The following LLGL2 variants were observed in gnomAD, a reference collection of about 807,000 sequenced individuals.
LLGL2 encodes the protein LLGL scribble cell polarity complex component 2.
A neutral mutation model predicts 123.2 loss-of-function variants in LLGL2; 81 were observed. The observed-to-expected ratio is 0.66, with a 90% CI of 0.55 to 0.79. LLGL2 has a LOEUF of 0.79. Ranked by LOEUF, LLGL2 falls within the 30% of genes least tolerant of loss-of-function variation. The pLI is 0.00. For synonymous variants in LLGL2, 577 were observed against 594.1 expected (o/e 0.97, Z 0.42); for missense variants, 1,273 against 1,414.6 (o/e 0.90, Z 1.61).
Position 75,571,733 on chromosome 17 carries a change from G to A in LLGL2, c.2243G>A (p.Arg748His), listed in dbSNP as rs35474687. The change falls in exon 18 of 26, where the codon CGT becomes CAT. Residue 748 changes from arginine (R) to histidine (H), a missense_variant. Arg to His is a conservative substitution (Grantham distance 29, BLOSUM62 0). Coordinates refer to ENST00000392550, the MANE Select transcript of LLGL2 (RefSeq NM_001031803.2). The stretch of plus-strand genomic sequence containing the variant: ...GGCACCATCTATGCCTTCTCCCTGC[G>A]TGTGCCTCCCGCCGAGCGGAGAATG... ...NGGTIYAFSL[R>H]VPPAERRMDE... 949 of 1,609,374 alleles carry A rather than the reference G, an allele frequency of 5.9e-4. 6 individuals carry two copies. In the African/African-American group the frequency reaches 0.01, roughly 17 times the overall value.
At chr17:75,553,334 G>A (rs567965247) in intron 2 of LLGL2, among the ~76,000 whole-genome samples, 6 of 152,202 alleles carry the variant, frequency 3.9e-5, no homozygotes, top group East Asian at 1.9e-4. Context: ...CGTCTCCCCC[G>A]ACCTTTTTGT....
chr17:75,574,174 G>C (rs933880077), intron 22 of LLGL2, 39 bp from the exon 23 acceptor site: 1 of 1,519,846 alleles, frequency 6.6e-7, no homozygotes, highest in Non-Finnish European at 8.8e-7. Context: ...GCCGAGGAGG[G>C]CCCAGGCGGG....
intron 16 of LLGL2, 101 bp downstream of exon 16, chr17:75,570,599 C>A: frequency 7.2e-7 from 1 of 1,392,162 alleles, no homozygotes; most frequent in South Asian, 1.4e-5. Flanking sequence ...GCTTGCTAGG[C>A]TACAAACAAG....
chr17:75,543,309 A>G (rs551254411), intron 1 of LLGL2, 88 bp from the exon 2 acceptor site: 60 of 866,874 alleles, frequency 6.9e-5, no homozygotes, highest in Non-Finnish European at 9.6e-5. Flanking sequence ...GGACTTGGAG[A>G]GAGAGGCCCT....
intron 3 of LLGL2, chr17:75,557,899 G>A (rs1019390797): frequency 1.9e-6 from 1 of 525,348 alleles, no homozygotes; most frequent in South Asian, 1.9e-5. Flanking sequence ...GTAGGGCTTC[G>A]CCTTTCTATG....
At chr17:75,533,926 C>T (rs752710584) in intron 1 of LLGL2, among the ~76,000 whole-genome samples, 18 of 152,190 alleles carry the variant, frequency 1.2e-4, no homozygotes, top group Non-Finnish European at 2.1e-4. Context: ...AAATTCCAGT[C>T]CCTCCCATGA....
Position 75,559,542 on chromosome 17 carries a change from C to G in LLGL2, c.530+132C>G. On this transcript the variant is annotated intron_variant, in intron 6 of 25. Coordinates refer to ENST00000392550, the MANE Select transcript of LLGL2 (RefSeq NM_001031803.2). This position sits in a 1 kb window ranked among gnomAD's most constrained non-coding sequence, Gnocchi z 4.6. ...TTCCATGGGGCTATAGCAGGGGAGG[C>G]TCTTGGCTTCCTACCTGTCACCTAC... 1 of 1,164,036 alleles carries G rather than the reference C, an allele frequency of 8.6e-7. No homozygotes were observed. Among genetic ancestry groups the G allele is most frequent in the Non-Finnish European group, 1.2e-6 (1 of 847,254 alleles). The allele number at this position is 1,164,036 out of a possible 1,614,324, so 72.1% of individuals were successfully genotyped here.
Position 75,558,675 on chromosome 17 carries a change from C to G in LLGL2, c.371+48C>G. 1 of 1,445,026 alleles carries G rather than the reference C, an allele frequency of 6.9e-7. No homozygotes were observed. The highest frequency in any genetic ancestry group is 9.5e-7 in the Non-Finnish European group (1 of 1,050,868). 89.5% of individuals were successfully genotyped at this position (1,445,026 alleles called of 1,614,324 possible). On this transcript the variant is annotated intron_variant, in intron 5 of 25. Transcript: ENST00000392550. The surrounding 1 kb of genome is among the most constrained non-coding windows in gnomAD (Gnocchi z 4.0). ...CTTCCACTCCCAGCCCAGCCTGACC[C>G]TTGCCCTTAGCTCTGGAGTGGACTC... is the stretch of plus-strand genomic sequence containing the variant.
rs1314163751 is a variant in LLGL2 at position 75,549,321 on chromosome 17, C to A, written c.75+5820C>A. On this transcript the variant is annotated intron_variant, in intron 2 of 25. Transcript: ENST00000392550. This position sits in a 1 kb window ranked among gnomAD's most constrained non-coding sequence, Gnocchi z 4.0. ...GGTAAAACCCGTTCCTAGACAACTG[C>A]TCACAGCCAGCTCGCTCCCCTCGGC... 4.6e-5 allele frequency among the ~76,000 whole-genome samples: 7 copies of A among 152,174 alleles called. No homozygotes were observed. The highest frequency in any genetic ancestry group is 1.4e-4 in the African/African-American group (6 of 41,420).
intron 6 of LLGL2, chr17:75,562,763 T>G: frequency 1.9e-6 from 1 of 527,134 alleles, no homozygotes; most frequent in South Asian, 2.2e-5. Flanking sequence ...AGAGACAGGG[T>G]TTTGCCATGT....
chr17:75,538,364 C>G (rs1468791533), intron 1 of LLGL2, among the ~76,000 whole-genome samples: 1 of 152,274 alleles, frequency 6.6e-6, no homozygotes, highest in East Asian at 1.9e-4. Flanking sequence ...TTGGGCCCCC[C>G]ACTTGTCTTC....
upstream of LLGL2, among the ~76,000 whole-genome samples, chr17:75,525,445 C>A (rs2053520873): frequency 6.6e-6 from 1 of 151,946 alleles, no homozygotes; most frequent in African/African-American, 2.4e-5. The surrounding 1 kb of genome is among the most constrained non-coding windows in gnomAD (Gnocchi z 4.8). Context: ...CGGCGGGACA[C>A]TGGGCGCGGC....
intron 6 of LLGL2, among the ~76,000 whole-genome samples, chr17:75,560,827 A>AAC (rs1555657342): frequency 2.7e-5 from 3 of 111,650 alleles, no homozygotes; most frequent in East Asian, 4.1e-4. Context: ...AAAAAAAAAA[A>AAC]AAAAACAAAG....
intron 2 of LLGL2, among the ~76,000 whole-genome samples, chr17:75,555,652 G>A (rs913436543): frequency 3.3e-5 from 5 of 152,036 alleles, no homozygotes; most frequent in East Asian, 1.9e-4. Context: ...ATTTTCTCCC[G>A]AGAGACCGGT....
Position 75,568,978 on chromosome 17 carries a change from G to A in LLGL2, c.1323G>A (p.Gly441=). The change falls in exon 13 of 26, where the codon GGG becomes GGA. Residue 441 remains glycine, a splice_region_variant and synonymous_variant. Coordinates refer to ENST00000392550, the MANE Select transcript of LLGL2 (RefSeq NM_001031803.2). ...CCTGGCAGGTGGGTTCTGCCCACAG[G>A]CACGAGGACGGCACGGTGCGGTTCT... The part of the protein sequence containing the change: ...APPQRDLLLT[G]HEDGTVRFWD... The A allele has an allele frequency of 6.2e-7, 1 of 1,610,634 alleles. No individual in the cohort carries two copies. Among genetic ancestry groups the A allele is most frequent in the South Asian group, 1.1e-5 (1 of 90,902 alleles).
intron 20 of LLGL2, 56 bp from the exon 21 acceptor site, chr17:75,573,425 G>T: frequency 6.3e-7 from 1 of 1,584,090 alleles, no homozygotes; most frequent in Non-Finnish European, 8.6e-7. Flanking sequence ...CCCCAGGTGG[G>T]GAGGCAGCCT....
At chr17:75,570,799 C>T (rs1329991442) in intron 16 of LLGL2, 151 bp from the exon 17 acceptor site, 3 of 1,092,258 alleles carry the variant, frequency 2.7e-6, no homozygotes, top group African/African-American at 1.6e-5. Flanking sequence ...GGGCACCTCC[C>T]TCTTGGACAA....
intron 12 of LLGL2, 43 bp from the exon 13 acceptor site, chr17:75,568,935 G>T: frequency 1.9e-6 from 3 of 1,589,746 alleles, no homozygotes; most frequent in Non-Finnish European, 2.6e-6. Context: ...GGGCATCCCG[G>T]CTGGCATCCC....
intron 1 of LLGL2, 97 bp from the exon 2 acceptor site, chr17:75,543,300 G>T: frequency 1.3e-6 from 1 of 791,262 alleles, no homozygotes; most frequent in South Asian, 2.0e-5. Context: ...CAGCCTACTG[G>T]ACTTGGAGAG....
Sources: allele counts gnomAD v4.1 joint callset (sites outside exome capture counted in the v4.1 genomes callset), GRCh38; gene constraint gnomAD v4.1.1; non-coding constraint Gnocchi (gnomAD v3.1); transcripts MANE v1.5; gene names NCBI Gene and HGNC (gene_info 2026-07-23, HGNC 2026-07-21).